The following BIRC6 variants were observed in gnomAD, a reference collection of about 807,000 sequenced individuals.
The protein encoded by BIRC6 is dual E2 ubiquitin-conjugating enzyme/E3 ubiquitin-protein ligase BIRC6.
In BIRC6, 98 loss-of-function variants were observed where a neutral mutation model predicts 503.3. The observed-to-expected ratio is 0.19, with a 90% confidence interval of 0.17 to 0.23. The LOEUF is 0.23. BIRC6 is among the 10% of genes least tolerant of loss of function. The pLI is 1.00. For missense variants in BIRC6, 5,360 were observed against 5,806.0 expected, an observed-to-expected ratio of 0.92 and a Z score of 2.50; for synonymous variants, 2,240 against 2,078.7, an observed-to-expected ratio of 1.08 and a Z score of -2.11.
intron 45 of BIRC6, among the ~76,000 whole-genome samples, chr2:32,498,098 G>T (rs1248981006): frequency 6.6e-6 from 1 of 151,978 alleles, no homozygotes; most frequent in Non-Finnish European, 1.5e-5. Flanking sequence ...TGTTTGCTCT[G>T]TCGCACAGGT....
intron 15 of BIRC6, 61 bp downstream of exon 15, chr2:32,436,245 A>G: frequency 7.8e-7 from 1 of 1,279,510 alleles, no homozygotes; most frequent in Non-Finnish European, 1.0e-6. Context: ...AAAAGACGAA[A>G]AAAAACTGAT....
intron 61 of BIRC6, among the ~76,000 whole-genome samples, chr2:32,534,730 CAAAAAAAA>C (rs770672789): frequency 6.7e-4 from 15 of 22,310 alleles, no homozygotes; most frequent in Non-Finnish European, 9.9e-4. Flanking sequence ...GACTCTGTCT[CAAAAAAAA>C]AAAAAAAAAA....
intron 47 of BIRC6, among the ~76,000 whole-genome samples, 159 bp downstream of exon 47, chr2:32,502,047 A>C (rs1036354053): frequency 6.6e-6 from 1 of 152,244 alleles, no homozygotes; most frequent in African/African-American, 2.4e-5. Flanking sequence ...AAGTTGGAGA[A>C]TAAAGTTTCT....
chr2:32,614,317 T>C (rs1416587044), intron 73 of BIRC6, among the ~76,000 whole-genome samples: 1 of 152,194 alleles, frequency 6.6e-6, no homozygotes, highest in Non-Finnish European at 1.5e-5. Flanking sequence ...CCTTCTTTAG[T>C]GCATTACCAG....
At chr2:32,391,050 A>G (rs1226320239) in intron 4 of BIRC6, among the ~76,000 whole-genome samples, 1 of 151,806 alleles carries the variant, frequency 6.6e-6, no homozygotes, top group South Asian at 2.1e-4. Flanking sequence ...ATACGTAATT[A>G]GAACAAGTGC....
At chr2:32,564,729 T>C (rs1363899449) in intron 65 of BIRC6, 1 of 152,248 alleles carries the variant, frequency 6.6e-6, no homozygotes, top group Admixed American at 6.5e-5. Context: ...CTTAGCCATG[T>C]GTACCTTCTA....
intron 6 of BIRC6, among the ~76,000 whole-genome samples, chr2:32,396,872 C>G (rs987078868): frequency 2.0e-5 from 3 of 151,830 alleles, no homozygotes; most frequent in Non-Finnish European, 4.4e-5. Flanking sequence ...TACAGGTGTG[C>G]GTGGGCCACC....
intron 1 of BIRC6, among the ~76,000 whole-genome samples, chr2:32,364,343 G>C (rs994044240): frequency 6.6e-6 from 1 of 152,102 alleles, no homozygotes; most frequent in African/African-American, 2.4e-5. Flanking sequence ...GGGTTCAAGC[G>C]ATTCTCCTGC....
chr2:32,568,791 C>T (rs1021472753), intron 65 of BIRC6, among the ~76,000 whole-genome samples: 2 of 151,524 alleles, frequency 1.3e-5, no homozygotes, highest in Non-Finnish European at 2.9e-5. Context: ...TTGCAGTGAG[C>T]CGAGATTATG....
rs758997620 is a variant in BIRC6 at position 32,575,370 on chromosome 2, C to G, written c.13355+4C>G. ...ATACCTATACCAACCGTTTAAGGTA[C>G]TATATACAATGTTCATTTCTCTTGA... On this transcript the variant is annotated splice_donor_region_variant and intron_variant, in intron 66 of 73. Coordinates refer to ENST00000421745, the MANE Select transcript of BIRC6 (RefSeq NM_016252.4). 8.1e-6 allele frequency: 13 copies of G among 1,610,382 alleles called. No individual in the cohort carries two copies. The highest frequency in any genetic ancestry group is 6.7e-5 in the Admixed American group (4 of 59,992).
intron 23 of BIRC6, among the ~76,000 whole-genome samples, chr2:32,460,012 T>G (rs2047655427): frequency 6.7e-6 from 1 of 150,346 alleles, no homozygotes; most frequent in South Asian, 2.1e-4. Flanking sequence ...ATTAATAGTT[T>G]TACTTTTTTC....
chr2:32,492,528 C>G (rs1299485977), intron 44 of BIRC6, among the ~76,000 whole-genome samples: 4 of 152,114 alleles, frequency 2.6e-5, no homozygotes, highest in African/African-American at 9.6e-5. Context: ...CAGGAAGACT[C>G]CTCGGGATCA....
At chr2:32,431,172 A>AC in intron 12 of BIRC6, 82 bp downstream of exon 12, 1 of 155,446 alleles carries the variant, frequency 6.4e-6, no homozygotes. Flanking sequence ...TAGGTATATT[A>AC]CTGTTTATCT....
chr2:32,369,974 A>ATG (rs1558541661), intron 1 of BIRC6, among the ~76,000 whole-genome samples: 7 of 62,988 alleles, frequency 1.1e-4, no homozygotes, highest in African/African-American at 4.2e-4. Context: ...ATATATATAT[A>ATG]TATATATATA....
intron 10 of BIRC6, among the ~76,000 whole-genome samples, chr2:32,420,435 C>T (rs1469856175): frequency 2.6e-5 from 4 of 152,080 alleles, no homozygotes; most frequent in Non-Finnish European, 5.9e-5. Context: ...TTAGTGAGTT[C>T]TGACAGTCTT....
intron 36 of BIRC6, 79 bp from the exon 37 acceptor site, chr2:32,479,383 C>G: frequency 7.3e-7 from 1 of 1,369,690 alleles, no homozygotes; most frequent in South Asian, 1.4e-5. Flanking sequence ...AGTGACTAAA[C>G]TGGAGGAAAA....
At chr2:32,381,540 CTT>C (rs71407447) in intron 3 of BIRC6, among the ~76,000 whole-genome samples, 26 of 125,292 alleles carry the variant, frequency 2.1e-4, no homozygotes, top group Admixed American at 4.1e-4. Flanking sequence ...GCACCTGGCT[CTT>C]TTTTTTTTTT....
chr2:32,575,089 A>G, intron 65 of BIRC6, 67 bp from the exon 66 acceptor site: 2 of 1,535,752 alleles, frequency 1.3e-6, no homozygotes, highest in Admixed American at 1.7e-5. Context: ...TAAAAGCTAC[A>G]TTCCTGTGGA....
chr2:32,409,847 T>C (rs1357973927), intron 9 of BIRC6, among the ~76,000 whole-genome samples: 1 of 152,236 alleles, frequency 6.6e-6, no homozygotes, highest in Non-Finnish European at 1.5e-5. Context: ...TAGTAGGTTT[T>C]AGAAATTCTG....
Sources: allele counts gnomAD v4.1 joint callset (sites outside exome capture counted in the v4.1 genomes callset), GRCh38; gene constraint gnomAD v4.1.1; transcripts MANE v1.5; gene names NCBI Gene and HGNC (gene_info 2026-07-23, HGNC 2026-07-21).